The following DPYD variants were observed in gnomAD, a reference collection of about 807,000 sequenced individuals.
DPYD encodes the protein dihydropyrimidine dehydrogenase, also known as dihydropyrimidine dehydrogenase [NADP(+)].
In DPYD, 109 loss-of-function variants were observed where a neutral mutation model predicts 116.2. That is an observed-to-expected ratio of 0.94 (90% CI 0.80 to 1.10). The LOEUF (loss-of-function observed/expected upper bound fraction) is 1.10, where lower values mean the gene tolerates loss of function less well. Among genes scored for constraint, DPYD ranks in the 50% least tolerant of loss-of-function variants. The probability of loss-of-function intolerance (pLI) is 0.00; values close to 1 mark genes in which losing one functional copy is unlikely to be tolerated. For missense variants in DPYD, 1,302 were observed against 1,254.5 expected, an observed-to-expected ratio of 1.04 and a Z score of -0.57; for synonymous variants, 440 against 432.0, an observed-to-expected ratio of 1.02 and a Z score of -0.23.
At chr1:97,657,821 C>G (rs963402358) in intron 8 of DPYD, among the ~76,000 whole-genome samples, 2 of 152,100 alleles carry the variant, frequency 1.3e-5, no homozygotes, top group African/African-American at 2.4e-5. Flanking sequence ...ATGTTGAAGA[C>G]TGGTAGTTTC....
intron 8 of DPYD, among the ~76,000 whole-genome samples, chr1:97,617,079 G>A (rs1008874546): frequency 4.6e-5 from 7 of 152,132 alleles, no homozygotes; most frequent in Admixed American, 6.6e-5. Flanking sequence ...GTGCACACAT[G>A]CAGTCCAAGC....
At chr1:97,824,083 C>T (rs1364398680) in intron 3 of DPYD, among the ~76,000 whole-genome samples, 1 of 151,948 alleles carries the variant, frequency 6.6e-6, no homozygotes, top group Non-Finnish European at 1.5e-5. Context: ...TAAGAATTTC[C>T]ATCTTCATTT....
At chr1:97,715,506 A>G (rs556412510) in intron 5 of DPYD, among the ~76,000 whole-genome samples, 1 of 152,236 alleles carries the variant, frequency 6.6e-6, no homozygotes, top group Non-Finnish European at 1.5e-5. Flanking sequence ...TCAATGCCCA[A>G]TCAATGTTAG....
intron 3 of DPYD, among the ~76,000 whole-genome samples, chr1:97,814,844 C>T (rs1668497425): frequency 7.0e-6 from 1 of 142,908 alleles, no homozygotes; most frequent in Admixed American, 7.4e-5. Flanking sequence ...GGGGAGGATG[C>T]AGTGAGCTGA....
chr1:97,174,218 G>C (rs187244442), intron 20 of DPYD, among the ~76,000 whole-genome samples: 7 of 152,268 alleles, frequency 4.6e-5, no homozygotes. Context: ...TGTTCTGGAA[G>C]CTTTGGCCTC....
chr1:97,146,740 G>A (rs921556706), intron 20 of DPYD, among the ~76,000 whole-genome samples: 8 of 152,090 alleles, frequency 5.3e-5, no homozygotes, highest in South Asian at 4.1e-4. Context: ...TTTATAATTG[G>A]GGCTGCAGTA....
At chr1:97,552,712 T>C (rs1200232697) in intron 11 of DPYD, among the ~76,000 whole-genome samples, 1 of 152,006 alleles carries the variant, frequency 6.6e-6, no homozygotes, top group African/African-American at 2.4e-5. Flanking sequence ...GCTAACCTCA[T>C]TAAAAATCAA....
chr1:97,391,389 T>C (rs1557679997), intron 14 of DPYD, among the ~76,000 whole-genome samples: 1 of 152,012 alleles, frequency 6.6e-6, no homozygotes, highest in Non-Finnish European at 1.5e-5. Flanking sequence ...TTGTCCCAGA[T>C]CAGAAAACTA....
chr1:97,717,820 ATGTG>A (rs140667694), intron 5 of DPYD, among the ~76,000 whole-genome samples: 1 of 150,298 alleles, frequency 6.7e-6, no homozygotes, highest in Non-Finnish European at 1.5e-5. Context: ...GTGTGTGTGC[ATGTG>A]TGTGTGTGTG....
chr1:97,822,075 C>T (rs947457826), intron 3 of DPYD, among the ~76,000 whole-genome samples: 29 of 151,240 alleles, frequency 1.9e-4, no homozygotes, highest in Non-Finnish European at 1.5e-4. Flanking sequence ...AATATATTCC[C>T]ATTACAGAAA....
chr1:97,613,588 T>A (rs1391478005), intron 8 of DPYD, among the ~76,000 whole-genome samples: 1 of 152,040 alleles, frequency 6.6e-6, no homozygotes, highest in African/African-American at 2.4e-5. Context: ...GATCTGCCAA[T>A]ATGTGTTTAA....
At chr1:97,839,678 T>G (rs1236928868) in intron 2 of DPYD, among the ~76,000 whole-genome samples, 1 of 152,240 alleles carries the variant, frequency 6.6e-6, no homozygotes, top group South Asian at 2.1e-4. Context: ...TAATATATCC[T>G]TGTACATGTG....
At chr1:97,494,784 A>ACG (rs911356192) in intron 13 of DPYD, among the ~76,000 whole-genome samples, 3 of 127,622 alleles carry the variant, frequency 2.4e-5, no homozygotes, top group Non-Finnish European at 5.5e-5. Flanking sequence ...ACACATACGC[A>ACG]CACACACACA....
At chr1:97,617,195 C>T (rs1031394842) in intron 8 of DPYD, among the ~76,000 whole-genome samples, 1 of 152,154 alleles carries the variant, frequency 6.6e-6, no homozygotes, top group African/African-American at 2.4e-5. Flanking sequence ...CAAACACCTA[C>T]GCATACACAC....
intron 20 of DPYD, among the ~76,000 whole-genome samples, chr1:97,186,983 A>T (rs930521609): frequency 2.0e-5 from 3 of 152,186 alleles, no homozygotes; most frequent in Non-Finnish European, 4.4e-5. Flanking sequence ...ATTATCTGTC[A>T]AAGTACATTT....
At chr1:97,705,644 T>C (rs1388131467) in intron 5 of DPYD, among the ~76,000 whole-genome samples, 7 of 151,640 alleles carry the variant, frequency 4.6e-5, no homozygotes, top group African/African-American at 1.2e-4. Flanking sequence ...TTTGGGTATA[T>C]ACCCAGTAAT....
intron 19 of DPYD, among the ~76,000 whole-genome samples, chr1:97,221,451 C>T (rs1290631033): frequency 6.6e-6 from 1 of 151,944 alleles, no homozygotes; most frequent in Non-Finnish European, 1.5e-5. Context: ...TTGATATACC[C>T]ACAGCTTCAT....
At chr1:97,551,945 C>A (rs1339428226) in intron 11 of DPYD, among the ~76,000 whole-genome samples, 3 of 151,826 alleles carry the variant, frequency 2.0e-5, no homozygotes, top group Non-Finnish European at 4.4e-5. Flanking sequence ...CATAAGTAAT[C>A]CAAAGATGAT....
intron 19 of DPYD, among the ~76,000 whole-genome samples, chr1:97,231,114 G>A (rs569131740): frequency 1.6e-4 from 25 of 152,260 alleles, no homozygotes; most frequent in South Asian, 4.1e-4. Flanking sequence ...CATAACTCTC[G>A]TTTAGTTTTC....
Sources: allele counts gnomAD v4.1 joint callset (sites outside exome capture counted in the v4.1 genomes callset), GRCh38; gene constraint gnomAD v4.1.1; transcripts MANE v1.5; gene names NCBI Gene and HGNC (gene_info 2026-07-23, HGNC 2026-07-21).